Variants in TTLL5 observed in about 807,000 individuals in gnomAD.
TTLL5 encodes tubulin tyrosine ligase like 5, also known as tubulin polyglutamylase TTLL5.
Under a neutral mutation model 168.4 loss-of-function variants are expected in TTLL5, and 132 were observed. That is an observed-to-expected ratio of 0.78 (90% CI 0.68 to 0.91). The LOEUF (loss-of-function observed/expected upper bound fraction) is 0.91, where lower values mean the gene tolerates loss of function less well. Among genes scored for constraint, TTLL5 ranks in the 40% least tolerant of loss-of-function variants. The pLI, the probability that TTLL5 is intolerant of heterozygous loss-of-function variation, is 0.00. For synonymous variants in TTLL5, 546 were observed against 558.6 expected, an observed-to-expected ratio of 0.98 and a Z score of 0.32; for missense variants, 1,545 against 1,581.5, an observed-to-expected ratio of 0.98 and a Z score of 0.39.
chr14:75,664,110 A>G (rs905846446), intron 2 of TTLL5, among the ~76,000 whole-genome samples: 6 of 152,072 alleles, frequency 3.9e-5, no homozygotes, highest in African/African-American at 1.2e-4. Context: ...AATGATAATG[A>G]TAAATATAGC....
intron 5 of TTLL5, chr14:75,689,544 G>A (rs1332359734): frequency 6.6e-6 from 1 of 152,150 alleles, no homozygotes; most frequent in African/African-American, 2.4e-5. Context: ...ATATGGAAAT[G>A]CTTTATAGCA....
intron 28 of TTLL5, chr14:75,847,565 T>C (rs1896615269): frequency 1.3e-5 from 2 of 152,116 alleles, no homozygotes; most frequent in South Asian, 4.1e-4. Flanking sequence ...GAAAGCTTTA[T>C]ATGTATTAAT....
intron 5 of TTLL5, among the ~76,000 whole-genome samples, chr14:75,687,208 G>A (rs994877575): frequency 2.6e-5 from 4 of 152,308 alleles, no homozygotes; most frequent in African/African-American, 9.6e-5. Flanking sequence ...CCTTGTGTTA[G>A]ACAAAGGATT....
chr14:75,770,035 G>A (rs955762955), intron 20 of TTLL5, among the ~76,000 whole-genome samples: 1 of 151,706 alleles, frequency 6.6e-6, no homozygotes, highest in African/African-American at 2.4e-5. Flanking sequence ...AAAATTAGCT[G>A]GGCATAGTAG....
At chr14:75,760,327 AAG>A (rs1890552916) in intron 18 of TTLL5, among the ~76,000 whole-genome samples, 1 of 152,110 alleles carries the variant, frequency 6.6e-6, no homozygotes, top group Admixed American at 6.5e-5. Flanking sequence ...ATATTACTGA[AAG>A]AAATTAAAGA....
At chr14:75,826,700 T>A (rs1895163110) in intron 28 of TTLL5, among the ~76,000 whole-genome samples, 2 of 152,196 alleles carry the variant, frequency 1.3e-5, no homozygotes, top group Non-Finnish European at 1.5e-5. Context: ...TATTTATAAT[T>A]TAGTTTAATT....
chr14:75,830,833 A>G (rs175890), intron 28 of TTLL5, among the ~76,000 whole-genome samples: 136,837 of 152,154 alleles, frequency 0.9, 61,702 homozygotes, highest in African/African-American at 0.95. Flanking sequence ...TCCTGTTCTC[A>G]CACAGGGCTC....
At chr14:75,912,928 C>G (rs1881733244) in intron 31 of TTLL5, among the ~76,000 whole-genome samples, 1 of 152,144 alleles carries the variant, frequency 6.6e-6, no homozygotes, top group Non-Finnish European at 1.5e-5. Context: ...GGAATATAGT[C>G]TAAGTTTCCT....
intron 3 of TTLL5, among the ~76,000 whole-genome samples, chr14:75,677,861 G>A (rs922355282): frequency 6.6e-6 from 1 of 151,824 alleles, no homozygotes; most frequent in African/African-American, 2.4e-5. Flanking sequence ...TGAACTGCTG[G>A]TCTCAAGCAG....
intron 27 of TTLL5, among the ~76,000 whole-genome samples, chr14:75,794,448 T>TAA (rs5809728): frequency 0.029 from 4,074 of 141,998 alleles, 180 homozygotes; most frequent in African/African-American, 0.092. Context: ...GTGATTGTAG[T>TAA]AAAAAAAAAA....
chr14:75,719,963 G>T (rs1594922446), intron 11 of TTLL5, 137 bp downstream of exon 11: 1 of 909,862 alleles, frequency 1.1e-6, no homozygotes, highest in Non-Finnish European at 1.7e-6. Context: ...ACTTTTTCCT[G>T]CAGTTGACAA....
intron 15 of TTLL5, among the ~76,000 whole-genome samples, chr14:75,740,806 G>A (rs1298772820): frequency 6.6e-6 from 1 of 152,044 alleles, no homozygotes; most frequent in Non-Finnish European, 1.5e-5. Flanking sequence ...ATGGTAAAAT[G>A]TATCACATAT....
intron 6 of TTLL5, among the ~76,000 whole-genome samples, chr14:75,691,743 T>TA (rs1885478205): frequency 6.6e-6 from 1 of 152,194 alleles, no homozygotes; most frequent in Non-Finnish European, 1.5e-5. Flanking sequence ...CCAAGAAAGA[T>TA]ACTATTTCTG....
chr14:75,767,370 T>G (rs774794887), intron 20 of TTLL5, among the ~76,000 whole-genome samples: 1 of 152,128 alleles, frequency 6.6e-6, no homozygotes, highest in Non-Finnish European at 1.5e-5. Context: ...TCGTGAGAAA[T>G]GCTGTCAGGA....
intron 12 of TTLL5, among the ~76,000 whole-genome samples, chr14:75,724,880 A>G (rs951717537): frequency 1.3e-5 from 2 of 152,214 alleles, no homozygotes; most frequent in Non-Finnish European, 2.9e-5. Context: ...ACAACTGGCT[A>G]TGAGAATAGC....
intron 26 of TTLL5, among the ~76,000 whole-genome samples, chr14:75,788,878 G>A (rs1477566620): frequency 1.3e-5 from 2 of 152,068 alleles, no homozygotes; most frequent in Non-Finnish European, 1.5e-5. Flanking sequence ...ATCAACTCTA[G>A]CAACATCTAA....
intron 28 of TTLL5, among the ~76,000 whole-genome samples, chr14:75,850,128 C>T (rs906669565): frequency 3.3e-5 from 5 of 151,842 alleles, no homozygotes; most frequent in East Asian, 1.9e-4. Context: ...AATCTGGGGC[C>T]GGGCACGGTG....
intron 20 of TTLL5, among the ~76,000 whole-genome samples, chr14:75,767,914 T>G (rs1470662253): frequency 6.6e-6 from 1 of 152,104 alleles, no homozygotes; most frequent in African/African-American, 2.4e-5. Context: ...GAGACTAAGT[T>G]TTTCACATTT....
At chr14:75,926,032 A>G (rs1458513788) in intron 31 of TTLL5, among the ~76,000 whole-genome samples, 1 of 148,390 alleles carries the variant, frequency 6.7e-6, no homozygotes, top group Non-Finnish European at 1.5e-5. Context: ...CATCAGAGGG[A>G]GACCGGGGAA....
Sources: allele counts gnomAD v4.1 joint callset (sites outside exome capture counted in the v4.1 genomes callset), GRCh38; gene constraint gnomAD v4.1.1; transcripts MANE v1.5; gene names NCBI Gene and HGNC (gene_info 2026-07-23, HGNC 2026-07-21).